Variants in TLR5 observed in about 807,000 individuals in gnomAD.
TLR5 encodes toll-like receptor 5.
For missense variants in TLR5, 944 were observed against 999.8 expected, an observed-to-expected ratio of 0.94 and a Z score of 0.75; for synonymous variants, 373 against 384.4, an observed-to-expected ratio of 0.97 and a Z score of 0.35.
Position 223,111,649 on chromosome 1 carries a change from G to A in TLR5, c.1383C>T (p.Ser461=), listed in dbSNP as rs1388976789. ...AAGGGGTTTGATCTCCACTACAGGAGGAGAAGCGATTTTGATTTAAAATGA... is the reference window on the plus strand; with the variant it reads ...AAGGGGTTTGATCTCCACTACAGGAAGAGAAGCGATTTTGATTTAAAATGA... ...QILILNQNRF[S]SCSGDQTPSE... The change falls in exon 6 of 6, where the codon TCC becomes TCT. Residue 461 remains serine (S), a synonymous_variant. Coordinates refer to ENST00000642603, the MANE Select transcript of TLR5 (RefSeq NM_003268.6). The A allele has an allele frequency of 1.2e-6, 2 of 1,614,160 alleles. No individual in the cohort carries two copies. Among genetic ancestry groups the A allele is most frequent in the South Asian group, 1.1e-5 (1 of 91,086 alleles).
intron 2 of TLR5, among the ~76,000 whole-genome samples, chr1:223,140,538 CTCTG>C (rs1328236314): frequency 1.7e-5 from 2 of 117,760 alleles, no homozygotes; most frequent in Non-Finnish European, 3.3e-5. Flanking sequence ...CAGAGTGAGA[CTCTG>C]TCTCAAAAAA....
intron 4 of TLR5, among the ~76,000 whole-genome samples, chr1:223,133,930 G>T (rs1194173626): frequency 6.6e-6 from 1 of 152,214 alleles, no homozygotes; most frequent in African/African-American, 2.4e-5. Context: ...AGCTGCAAGC[G>T]TCCCTGAGCT....
intron 5 of TLR5, among the ~76,000 whole-genome samples, chr1:223,118,043 C>G (rs1656764726): frequency 6.6e-6 from 1 of 152,184 alleles, no homozygotes; most frequent in Admixed American, 6.5e-5. Context: ...CGACCTGTGA[C>G]ACAGCCCTCA....
Position 223,111,069 on chromosome 1 carries a change from T to C in TLR5, c.1963A>G (p.Met655Val). The C allele has an allele frequency of 6.2e-7, 1 of 1,614,158 alleles. No homozygotes were observed. Among genetic ancestry groups the C allele is most frequent in the South Asian group, 1.1e-5 (1 of 91,074 alleles). ...AACTTTGTGACTGTGAGGATGGTCATGAGGAACAGAGTCAGAGTGACAGTG... is the reference window on the plus strand; with the variant it reads ...AACTTTGTGACTGTGAGGATGGTCACGAGGAACAGAGTCAGAGTGACAGTG... Reference protein sequence around the residue: ...VCTVTLTLFLMTILTVTKFRG... With the variant: ...VCTVTLTLFLVTILTVTKFRG... Residue 655 changes from methionine (M) to valine (V), a missense_variant, in exon 6 of 6, where the codon ATG becomes GTG. Transcript: ENST00000642603.
intron 5 of TLR5, among the ~76,000 whole-genome samples, chr1:223,118,975 G>A (rs1282191203): frequency 6.6e-6 from 1 of 151,674 alleles, no homozygotes; most frequent in Non-Finnish European, 1.5e-5. Flanking sequence ...ATGGTGGCAC[G>A]TGTCTGAAAT....
At chr1:223,141,846 G>GAA (rs1657884726) in intron 1 of TLR5, 83 bp from the exon 2 acceptor site, 1 of 145,944 alleles carries the variant, frequency 6.9e-6, no homozygotes, top group Non-Finnish European at 1.5e-5. Flanking sequence ...GAGAGAGAGA[G>GAA]AGAGAGAGAG....
intron 5 of TLR5, among the ~76,000 whole-genome samples, chr1:223,117,201 G>C: frequency 6.6e-6 from 1 of 152,150 alleles, no homozygotes; most frequent in Non-Finnish European, 1.5e-5. Flanking sequence ...CCTGGCCCGG[G>C]TGCTAAGCCC....
Position 223,131,391 on chromosome 1 carries a change from A to C in TLR5, c.-5+1084T>G, listed in dbSNP as rs79243415. Among the ~76,000 whole-genome samples, 217 of 152,244 alleles carry C rather than the reference A, an allele frequency of 1.4e-3. No homozygotes were observed. The highest frequency in any genetic ancestry group is 2.3e-3 in the Non-Finnish European group (156 of 68,028). On this transcript the variant is annotated intron_variant, in intron 5 of 5. Transcript: ENST00000642603. This position sits in a 1 kb window ranked among gnomAD's most constrained non-coding sequence, Gnocchi z 4.2. Reference sequence around the variant, plus strand: ...TCGAGATCTAACTTGCCATTCTCAGAGTCTGCCCTCATCCCCATTCTCTCA... The same window carrying C: ...TCGAGATCTAACTTGCCATTCTCAGCGTCTGCCCTCATCCCCATTCTCTCA...
chr1:223,115,503 G>A (rs1477120151), intron 5 of TLR5, among the ~76,000 whole-genome samples: 1 of 152,178 alleles, frequency 6.6e-6, no homozygotes, highest in Non-Finnish European at 1.5e-5. Flanking sequence ...CACCGGCCTT[G>A]GCCTCTCAAA....
intron 5 of TLR5, among the ~76,000 whole-genome samples, chr1:223,130,271 C>T (rs936170601): frequency 2.6e-5 from 4 of 152,184 alleles, no homozygotes; most frequent in African/African-American, 9.7e-5. Context: ...TTGTCAAGCT[C>T]GCTGGTTTGT....
At chr1:223,126,353 A>T (rs1571751203) in intron 5 of TLR5, among the ~76,000 whole-genome samples, 1 of 152,168 alleles carries the variant, frequency 6.6e-6, no homozygotes, top group East Asian at 1.9e-4. Context: ...GGAGGGGAGG[A>T]TGGGGAGTTA....
intron 5 of TLR5, among the ~76,000 whole-genome samples, chr1:223,114,014 C>T (rs1490934370): frequency 6.6e-6 from 1 of 152,218 alleles, no homozygotes; most frequent in East Asian, 1.9e-4. Context: ...CACAGTCCAT[C>T]CCATCATGCA....
chr1:223,141,931 CT>C (rs1438154701), intron 1 of TLR5, among the ~76,000 whole-genome samples, 168 bp from the exon 2 acceptor site: 1 of 151,706 alleles, frequency 6.6e-6, no homozygotes, highest in African/African-American at 2.4e-5. Context: ...GGGACCTCCC[CT>C]GGAATTTCCC....
intron 5 of TLR5, among the ~76,000 whole-genome samples, chr1:223,114,603 T>C (rs1018109780): frequency 2.0e-5 from 3 of 152,170 alleles, no homozygotes; most frequent in African/African-American, 7.2e-5. Flanking sequence ...CTGACGAGGT[T>C]GTGCTTTGTG....
rs546150029 is a variant in TLR5 at position 223,109,864 on chromosome 1, G to A, written c.*591C>T. 3 of 154,344 alleles carry A rather than the reference G, an allele frequency of 1.9e-5. No individual in the cohort carries two copies. The highest frequency in any genetic ancestry group is 1.9e-4 in the East Asian group (1 of 5,352). 9.6% of individuals were successfully genotyped at this position (154,344 alleles called of 1,614,324 possible). On this transcript the variant is annotated 3_prime_UTR_variant, in exon 6 of 6. Coordinates refer to ENST00000642603, the MANE Select transcript of TLR5 (RefSeq NM_003268.6). ...CACTAGGGCGAGACCTGGAGAAGCC[G>A]AAGGTAAGAACATGAAGTGCAGTAC...
At chr1:223,115,350 A>G (rs1443354411) in intron 5 of TLR5, among the ~76,000 whole-genome samples, 1 of 152,210 alleles carries the variant, frequency 6.6e-6, no homozygotes, top group Admixed American at 6.5e-5. Flanking sequence ...CCCGGGTTCA[A>G]GTGATCCTCC....
intron 5 of TLR5, among the ~76,000 whole-genome samples, chr1:223,122,047 G>A (rs1264896334): frequency 2.0e-5 from 3 of 152,194 alleles, no homozygotes; most frequent in African/African-American, 7.2e-5. Context: ...CAGGGCAGAT[G>A]AGGGTGTTAC....
chr1:223,111,499 A>G lies in TLR5; in HGVS notation c.1533T>C (p.His511=), dbSNP rs1323797929. The G allele has an allele frequency of 1.9e-6, 3 of 1,614,172 alleles. No homozygotes were observed. Residue 511 remains histidine (H), a synonymous_variant, in exon 6 of 6, where the codon CAT becomes CAC. Transcript: ENST00000642603. The part of the protein sequence containing the change: ...LSHLQVLYLN[H]NYLNSLPPGV... ...CTGGTGGAAGGGAATTAAGATAGTT[A>G]TGATTCAAATACAGAACTTGAAGAT...
intron 5 of TLR5, chr1:223,127,646 C>G (rs1173897635): frequency 6.6e-6 from 1 of 152,254 alleles, no homozygotes; most frequent in African/African-American, 2.4e-5. Context: ...CTGCCATTAA[C>G]CTCAGCACTT....
Sources: gnomAD v4.1 joint callset for allele counts (sites outside exome capture counted in the v4.1 genomes callset) on GRCh38, gnomAD v4.1.1 for gene constraint, Gnocchi (gnomAD v3.1) non-coding constraint, MANE v1.5 for transcripts, NCBI Gene and HGNC (gene_info 2026-07-23, HGNC 2026-07-21) for gene names.